HPSE2: variants seen among roughly 807,000 people sequenced by gnomAD.
HPSE2 encodes the protein heparanase 2 (inactive), also known as inactive heparanase-2.
In HPSE2, 38 loss-of-function variants were observed where a neutral mutation model predicts 60.5. The ratio of observed to expected loss-of-function variants is 0.63; its 90% CI spans 0.48 to 0.82. The LOEUF is 0.82. HPSE2 is among the 40% of genes least tolerant of loss of function. The pLI, the probability that HPSE2 is intolerant of heterozygous loss-of-function variation, is 0.00. For synonymous variants in HPSE2, 295 were observed against 293.2 expected, an observed-to-expected ratio of 1.01 and a Z score of -0.06; for missense variants, 713 against 740.4, an observed-to-expected ratio of 0.96 and a Z score of 0.43.
chr10:98,553,025 C>A lies in HPSE2; in HGVS notation c.1320+61879G>T, dbSNP rs187042237. ...AAAATTGCTTGGATTAAATTGAATT[C>A]TAAAGCAGGATATAAATTATTTTTA... On this transcript the variant is annotated intron_variant, in intron 9 of 11. Transcript: ENST00000370552. Among the ~76,000 whole-genome samples the A allele has an allele frequency of 2.9e-3, 441 of 152,256 alleles. 5 individuals are homozygous for A. Among genetic ancestry groups the A allele is most frequent in the Non-Finnish European group, 4.4e-3 (298 of 68,020 alleles).
chr10:99,254,630 T>C, the HPSE2 span, among the ~76,000 whole-genome samples: 920 of 152,332 alleles, frequency 6.0e-3, 8 homozygotes, highest in Middle Eastern at 0.014. Context: ...AAATAGCTAA[T>C]TGTTTAACTA....
intron 9 of HPSE2, among the ~76,000 whole-genome samples, chr10:98,492,510 C>CAAAAAAAAAAAAAAAAA (rs10645866): frequency 8.9e-6 from 1 of 112,144 alleles, no homozygotes; most frequent in African/African-American, 3.5e-5. Flanking sequence ...TCAAAAAAGA[C>CAAAAAAAAAAAAAAAAA]AAAAAAAAAA....
intron 3 of HPSE2, among the ~76,000 whole-genome samples, chr10:98,964,786 C>T (rs1955772874): frequency 6.6e-6 from 1 of 152,156 alleles, no homozygotes; most frequent in Non-Finnish European, 1.5e-5. Context: ...TGCTACAGAA[C>T]ATCTTTAATT....
intron 9 of HPSE2, among the ~76,000 whole-genome samples, chr10:98,606,937 T>C (rs377628415): frequency 1.3e-5 from 2 of 152,346 alleles, no homozygotes; most frequent in Admixed American, 6.5e-5. Flanking sequence ...TTTGCCAATA[T>C]AGTCTTTAAG....
At chr10:98,821,208 G>C (rs1238935761) in intron 3 of HPSE2, among the ~76,000 whole-genome samples, 1 of 152,096 alleles carries the variant, frequency 6.6e-6, no homozygotes, top group Non-Finnish European at 1.5e-5. Flanking sequence ...TTAAGTACGG[G>C]AATACATTCT....
intron 3 of HPSE2, among the ~76,000 whole-genome samples, chr10:98,801,446 C>G (rs1196149606): frequency 6.6e-6 from 1 of 152,030 alleles, no homozygotes; most frequent in East Asian, 1.9e-4. Flanking sequence ...TATGATCTTA[C>G]ATTTGGAAAA....
intron 3 of HPSE2, among the ~76,000 whole-genome samples, chr10:99,043,728 G>A (rs1459619821): frequency 6.6e-6 from 1 of 152,042 alleles, no homozygotes; most frequent in Non-Finnish European, 1.5e-5. Context: ...AATACAATCA[G>A]AAGCATTAAT....
At chr10:98,503,218 AAGAAAAAG>A (rs1370752794) in intron 9 of HPSE2, among the ~76,000 whole-genome samples, 3,640 of 94,006 alleles carry the variant, frequency 0.039, 167 homozygotes, top group African/African-American at 0.11. Context: ...ATCAGAAAAA[AAGAAAAAG>A]AAAAAAAGAA....
intron 3 of HPSE2, among the ~76,000 whole-genome samples, chr10:99,000,466 G>A (rs141401124): frequency 3.3e-5 from 5 of 152,188 alleles, no homozygotes; most frequent in Non-Finnish European, 7.4e-5. Flanking sequence ...AAGAAAAATT[G>A]CATAGAGTGA....
chr10:98,466,620 A>G (rs1457873063), intron 11 of HPSE2, among the ~76,000 whole-genome samples: 1 of 151,862 alleles, frequency 6.6e-6, no homozygotes, highest in African/African-American at 2.4e-5. Flanking sequence ...CAAAAAAAAA[A>G]AAAAAAAGAA....
chr10:98,587,232 C>G (rs1305223150), intron 9 of HPSE2, among the ~76,000 whole-genome samples: 1 of 152,302 alleles, frequency 6.6e-6, no homozygotes, highest in South Asian at 2.1e-4. Flanking sequence ...ATCTGTCTCA[C>G]TCATTGTTTA....
intron 3 of HPSE2, chr10:99,013,246 A>C (rs1317751536): frequency 3.1e-6 from 2 of 646,698 alleles, no homozygotes; most frequent in African/African-American, 3.6e-5. Flanking sequence ...ACAGTTATGC[A>C]TTTTTTAACA....
At chr10:98,479,504 C>A (rs1476736191) in intron 11 of HPSE2, among the ~76,000 whole-genome samples, 1 of 152,220 alleles carries the variant, frequency 6.6e-6, no homozygotes, top group African/African-American at 2.4e-5. Flanking sequence ...CCATCGCAGA[C>A]CACTCAGCTC....
chr10:98,892,580 A>G (rs1953366667), intron 3 of HPSE2, among the ~76,000 whole-genome samples: 1 of 152,200 alleles, frequency 6.6e-6, no homozygotes, highest in Non-Finnish European at 1.5e-5. Context: ...ATTATCCTTT[A>G]TAGATCTCTT....
intron 9 of HPSE2, among the ~76,000 whole-genome samples, chr10:98,492,346 C>A (rs973844014): frequency 6.6e-6 from 1 of 151,672 alleles, no homozygotes; most frequent in African/African-American, 2.4e-5. Context: ...ACTAAAAATA[C>A]AAAAAATTAG....
intron 3 of HPSE2, among the ~76,000 whole-genome samples, chr10:98,775,606 C>G (rs1205499719): frequency 6.6e-6 from 1 of 152,192 alleles, no homozygotes; most frequent in Admixed American, 6.5e-5. Context: ...GTACTAGGAA[C>G]TACTGCTAAA....
intron 9 of HPSE2, among the ~76,000 whole-genome samples, chr10:98,565,156 A>G (rs957966783): frequency 5.2e-5 from 2 of 38,334 alleles, no homozygotes; most frequent in African/African-American, 9.0e-5. Context: ...AAACTTGAAG[A>G]ATTTTTTTTT....
At chr10:98,986,634 A>C (rs1196234533) in intron 3 of HPSE2, among the ~76,000 whole-genome samples, 2 of 144,430 alleles carry the variant, frequency 1.4e-5, no homozygotes, top group Non-Finnish European at 3.1e-5. Flanking sequence ...GCAAGAAATA[A>C]CTAAGATCAG....
At chr10:99,275,381 A>G in the HPSE2 span, among the ~76,000 whole-genome samples, 2 of 152,116 alleles carry the variant, frequency 1.3e-5, no homozygotes, top group Non-Finnish European at 2.9e-5. Flanking sequence ...CTTGACTCGT[A>G]CGTCTTAGTA....
Sources: gnomAD v4.1 joint callset for allele counts (sites outside exome capture counted in the v4.1 genomes callset) on GRCh38, gnomAD v4.1.1 for gene constraint, MANE v1.5 for transcripts, NCBI Gene and HGNC (gene_info 2026-07-23, HGNC 2026-07-21) for gene names.